EPHA4: variants seen among roughly 807,000 people sequenced by gnomAD.
The protein encoded by EPHA4 is EPH receptor A4.
EPHA4 carries 19 observed loss-of-function variants against 108.3 expected under a neutral mutation model. The ratio of observed to expected loss-of-function variants is 0.18; its 90% CI spans 0.12 to 0.26. The LOEUF (loss-of-function observed/expected upper bound fraction) is 0.26. EPHA4 is among the 10% of genes least tolerant of loss of function. The pLI, the probability that EPHA4 is intolerant of heterozygous loss-of-function variation, is 1.00. For synonymous variants in EPHA4, 449 were observed against 455.5 expected, an observed-to-expected ratio of 0.99 and a Z score of 0.18; for missense variants, 917 against 1,254.0, an observed-to-expected ratio of 0.73 and a Z score of 4.06.
At chr2:221,444,409 C>T (rs950107783) in intron 9 of EPHA4, among the ~76,000 whole-genome samples, 2 of 152,064 alleles carry the variant, frequency 1.3e-5, no homozygotes, top group Non-Finnish European at 2.9e-5. Flanking sequence ...CCTCCTGGAG[C>T]TGTTGGGGCA....
chr2:221,486,950 T>C lies in EPHA4; in HGVS notation c.980-4260A>G, dbSNP rs142239611. ...TGCAGCCTTCTCCGAGCCAAAGCTG[T>C]ACTAGTCAACTTTTCACATACAGAT... On this transcript the variant is annotated intron_variant, in intron 4 of 17. Transcript: ENST00000281821. 2.0e-3 allele frequency among the ~76,000 whole-genome samples: 299 copies of C among 152,250 alleles called. 2 individuals are homozygous for C. Among genetic ancestry groups the C allele is most frequent in the African/African-American group, 6.9e-3 (286 of 41,566 alleles).
Position 221,419,057 on chromosome 2 carries a change from T to C in EPHA4, c.*2315A>G, listed in dbSNP as rs144690963. Reference sequence around the variant, plus strand: ...TAAATGGTTCAGAATCTATTTTTTTTCCTCATTTTTCCCTGATTTGATGTT... The same window carrying C: ...TAAATGGTTCAGAATCTATTTTTTTCCCTCATTTTTCCCTGATTTGATGTT... On this transcript the variant is annotated 3_prime_UTR_variant, in exon 18 of 18. Transcript: ENST00000281821. The C allele has an allele frequency of 0.011, 1,630 of 152,766 alleles. 11 individuals carry two copies. The highest frequency in any genetic ancestry group is 0.016 in the Non-Finnish European group (1,110 of 68,034). The allele number at this position is 152,766 out of a possible 1,614,324, so 9.5% of individuals were successfully genotyped here.
intron 5 of EPHA4, among the ~76,000 whole-genome samples, chr2:221,466,600 T>G (rs926056253): frequency 6.6e-6 from 1 of 152,238 alleles, no homozygotes; most frequent in Non-Finnish European, 1.5e-5. Flanking sequence ...CTATGCCACA[T>G]GTCTGTAACA....
intron 5 of EPHA4, among the ~76,000 whole-genome samples, chr2:221,473,932 T>C (rs1691576433): frequency 6.6e-6 from 1 of 152,162 alleles, no homozygotes; most frequent in Admixed American, 6.6e-5. Flanking sequence ...TGAATGAATT[T>C]CTCTTCTTAC....
At chr2:221,444,362 C>T (rs1690521298) in intron 9 of EPHA4, among the ~76,000 whole-genome samples, 1 of 152,160 alleles carries the variant, frequency 6.6e-6, no homozygotes, top group Non-Finnish European at 1.5e-5. Flanking sequence ...AGGCAGAAGT[C>T]ATTGTAAAAA....
At chr2:221,494,356 C>T (rs1240889940) in intron 4 of EPHA4, among the ~76,000 whole-genome samples, 1 of 152,226 alleles carries the variant, frequency 6.6e-6, no homozygotes, top group African/African-American at 2.4e-5. Flanking sequence ...GTAATCCCAG[C>T]ACTCTGGGAG....
intron 5 of EPHA4, among the ~76,000 whole-genome samples, chr2:221,479,022 G>A (rs1691741947): frequency 6.6e-6 from 1 of 152,176 alleles, no homozygotes; most frequent in Non-Finnish European, 1.5e-5. Context: ...GGTTAGGATT[G>A]TTTAAATAAC....
chr2:221,543,382 G>A (rs183589131), intron 3 of EPHA4, among the ~76,000 whole-genome samples: 2 of 152,230 alleles, frequency 1.3e-5, no homozygotes, highest in African/African-American at 2.4e-5. Flanking sequence ...GTGTATATGT[G>A]TACATCAAAG....
At chr2:221,509,650 A>T (rs943698494) in intron 3 of EPHA4, among the ~76,000 whole-genome samples, 4 of 152,234 alleles carry the variant, frequency 2.6e-5, no homozygotes, top group Non-Finnish European at 5.9e-5. Flanking sequence ...TCAAGTGTAT[A>T]AAGGAATATA....
At chr2:221,535,012 C>G (rs932965834) in intron 3 of EPHA4, among the ~76,000 whole-genome samples, 1 of 152,244 alleles carries the variant, frequency 6.6e-6, no homozygotes. Context: ...TCTGCACGTT[C>G]TCCATCGCTA....
chr2:221,496,459 C>T (rs983066555), intron 4 of EPHA4, among the ~76,000 whole-genome samples: 1 of 152,130 alleles, frequency 6.6e-6, no homozygotes, highest in Non-Finnish European at 1.5e-5. Context: ...AAAGGAAGAG[C>T]CATAGGCTAA....
intron 3 of EPHA4, among the ~76,000 whole-genome samples, chr2:221,537,502 C>T (rs1218240157): frequency 6.6e-6 from 1 of 152,164 alleles, no homozygotes; most frequent in African/African-American, 2.4e-5. Context: ...AAAGAAGGCC[C>T]CAGGCCTGGC....
intron 15 of EPHA4, among the ~76,000 whole-genome samples, chr2:221,427,572 G>A (rs1194536200): frequency 1.3e-5 from 2 of 152,060 alleles, no homozygotes; most frequent in African/African-American, 4.8e-5. Flanking sequence ...ATAATAACCT[G>A]TAGAAAAATA....
chr2:221,571,798 G>A lies in EPHA4; in HGVS notation c.91+360C>T, dbSNP rs895302095. Among the ~76,000 whole-genome samples, 3 of 152,224 alleles carry A rather than the reference G, an allele frequency of 2.0e-5. No homozygotes were observed. Among genetic ancestry groups the A allele is most frequent in the Non-Finnish European group, 4.4e-5 (3 of 68,046 alleles). The stretch of plus-strand genomic sequence containing the variant: ...AGGCTGCGTTTTCCCCTCGCCCCGG[G>A]CTGGCTCAGGAGAGGACGTGGTTCT... On this transcript the variant is annotated intron_variant, in intron 1 of 17. Transcript: ENST00000281821. This position sits in a 1 kb window ranked among gnomAD's most constrained non-coding sequence, Gnocchi z 6.3.
At chr2:221,566,921 A>AG (rs1376720035) in intron 2 of EPHA4, among the ~76,000 whole-genome samples, 1 of 52,856 alleles carries the variant, frequency 1.9e-5, no homozygotes, top group South Asian at 5.5e-4. Flanking sequence ...AAGGAGAAGG[A>AG]GAAGGAGAAG....
intron 8 of EPHA4, among the ~76,000 whole-genome samples, chr2:221,454,878 C>G (rs1195881769): frequency 6.6e-6 from 1 of 152,174 alleles, no homozygotes; most frequent in African/African-American, 2.4e-5. Context: ...AGGTTCATTT[C>G]CAAGACAATG....
At chr2:221,500,238 C>T (rs2106156958) in intron 4 of EPHA4, among the ~76,000 whole-genome samples, 1 of 152,226 alleles carries the variant, frequency 6.6e-6, no homozygotes, top group South Asian at 2.1e-4. Context: ...GAAACAAACT[C>T]AAAATCTGTG....
intron 6 of EPHA4, 68 bp downstream of exon 6, chr2:221,457,797 GA>G (rs907080012): frequency 6.4e-7 from 1 of 1,556,216 alleles, no homozygotes; most frequent in Non-Finnish European, 8.8e-7. Flanking sequence ...AAGGAGAAAG[GA>G]AAGAAGAAAA....
chr2:221,476,979 CA>C (rs1010660528), intron 5 of EPHA4, among the ~76,000 whole-genome samples: 148 of 152,162 alleles, frequency 9.7e-4, no homozygotes, highest in African/African-American at 3.3e-3. Context: ...AATCAACAAA[CA>C]GATGGAACTG....
Sources: allele counts gnomAD v4.1 joint callset (sites outside exome capture counted in the v4.1 genomes callset), GRCh38; gene constraint gnomAD v4.1.1; non-coding constraint Gnocchi (gnomAD v3.1); transcripts MANE v1.5; gene names NCBI Gene and HGNC (gene_info 2026-07-23, HGNC 2026-07-21).